Variants in SOS1 observed in about 807,000 individuals in gnomAD.
The protein encoded by SOS1 is SOS Ras/Rac guanine nucleotide exchange factor 1.
A neutral mutation model predicts 157.6 loss-of-function variants in SOS1; 25 were observed. The ratio of observed to expected loss-of-function variants is 0.16; its 90% CI spans 0.12 to 0.22. SOS1 has a LOEUF of 0.22. SOS1 is among the 10% of genes least tolerant of loss of function. SOS1 has a pLI of 1.00. For missense variants in SOS1, 1,237 were observed against 1,599.1 expected (o/e 0.77, Z 3.86); for synonymous variants, 528 against 534.0 (o/e 0.99, Z 0.16).
rs997795576 is a variant in SOS1 at position 39,086,819 on chromosome 2, C to CT, written c.88-19067dup. Among the ~76,000 whole-genome samples the CT allele has an allele frequency of 1.8e-3, 272 of 147,418 alleles. 1 individual carries two copies. The highest frequency in any genetic ancestry group is 2.5e-3 in the Non-Finnish European group (169 of 66,288). Reference sequence around the variant, plus strand: ...AAATAGTCACAGTTGCGTTGTTGTTCTTTTTTTTTTTGAGACGGAGTCTCA... The same window carrying CT: ...AAATAGTCACAGTTGCGTTGTTGTTCTTTTTTTTTTTTGAGACGGAGTCTCA... On this transcript the variant is annotated intron_variant, in intron 1 of 22. Transcript: ENST00000402219.
chr2:38,987,372 T>G (rs1007219360), intron 22 of SOS1, 101 bp downstream of exon 22: 10 of 718,574 alleles, frequency 1.4e-5, no homozygotes, highest in Non-Finnish European at 2.6e-5. Flanking sequence ...CTGTATACTC[T>G]GAAATGTTAA....
At chr2:39,099,017 T>C (rs886508902) in intron 1 of SOS1, among the ~76,000 whole-genome samples, 3 of 152,346 alleles carry the variant, frequency 2.0e-5, no homozygotes, top group East Asian at 3.9e-4. Context: ...AAAATGTTCA[T>C]CATCAGTTAT....
At chr2:39,119,937 A>C (rs977284647) in intron 1 of SOS1, among the ~76,000 whole-genome samples, 3 of 152,126 alleles carry the variant, frequency 2.0e-5, no homozygotes, top group Non-Finnish European at 4.4e-5. Context: ...TTCTCAAGCC[A>C]CTAAAACCAG....
chr2:39,057,201 T>G (rs1411156720), intron 3 of SOS1, among the ~76,000 whole-genome samples: 1 of 152,140 alleles, frequency 6.6e-6, no homozygotes, highest in Non-Finnish European at 1.5e-5. Flanking sequence ...TACCTGGAAG[T>G]AACTATAACA....
upstream of SOS1, among the ~76,000 whole-genome samples, chr2:39,123,690 T>C (rs1673975722): frequency 6.6e-6 from 1 of 152,136 alleles, no homozygotes; most frequent in African/African-American, 2.4e-5. Context: ...TCGTTCTTCA[T>C]TGGTTTTAAT....
chr2:39,110,742 G>A (rs1486550612), intron 1 of SOS1, among the ~76,000 whole-genome samples: 1 of 152,170 alleles, frequency 6.6e-6, no homozygotes, highest in African/African-American at 2.4e-5. Context: ...TATCGGCAAA[G>A]GGTTCTTAGA....
chr2:39,103,089 T>TA (rs1482052527), intron 1 of SOS1, among the ~76,000 whole-genome samples: 18 of 152,208 alleles, frequency 1.2e-4, no homozygotes, highest in Admixed American at 1.3e-4. Context: ...AAAGAGTACC[T>TA]AGAAAGAGAT....
At chr2:39,048,996 C>A (rs529725122) in intron 6 of SOS1, among the ~76,000 whole-genome samples, 1 of 152,264 alleles carries the variant, frequency 6.6e-6, no homozygotes, top group African/African-American at 2.4e-5. Flanking sequence ...CGGCTCACTG[C>A]AGTCTCCACC....
chr2:39,093,604 C>T (rs1672666234), intron 1 of SOS1, among the ~76,000 whole-genome samples: 2 of 152,106 alleles, frequency 1.3e-5, no homozygotes, highest in African/African-American at 4.8e-5. Context: ...GAGGGAATGA[C>T]AAGCACAGAA....
rs141220988 is a variant in SOS1, at chr2:39,045,068, T to C, written c.864+6076A>G. ...AGTTGTTATACTTTATTGTTTAGGGTATTGTAATGTACCCTGATGTAATGT... is the reference window on the plus strand; with the variant it reads ...AGTTGTTATACTTTATTGTTTAGGGCATTGTAATGTACCCTGATGTAATGT... On this transcript the variant is annotated intron_variant, in intron 6 of 22. Transcript: ENST00000402219. Among the ~76,000 whole-genome samples the C allele has an allele frequency of 1.2e-3, 180 of 152,302 alleles. 1 individual carries two copies. The highest frequency in any genetic ancestry group is 3.4e-3 in the Middle Eastern group (1 of 294).
intron 6 of SOS1, among the ~76,000 whole-genome samples, chr2:39,038,901 G>A (rs1670455117): frequency 6.6e-6 from 1 of 151,950 alleles, no homozygotes. Context: ...TCTACTGTGG[G>A]TAAAGTGCTA....
At chr2:38,987,620 G>A in intron 21 of SOS1, 29 bp from the exon 22 acceptor site, 1 of 1,070,414 alleles carries the variant, frequency 9.3e-7, no homozygotes, top group South Asian at 1.3e-5. Context: ...TTAAGAAAAA[G>A]TCCACAGGAA....
intron 1 of SOS1, among the ~76,000 whole-genome samples, chr2:39,080,038 G>A (rs888473768): frequency 2.0e-5 from 3 of 151,758 alleles, no homozygotes; most frequent in Middle Eastern, 3.2e-3. Flanking sequence ...GGATGGTTTC[G>A]GGATGATTCA....
chr2:39,095,805 A>G (rs931592435), intron 1 of SOS1, among the ~76,000 whole-genome samples: 9 of 152,210 alleles, frequency 5.9e-5, no homozygotes, highest in African/African-American at 2.2e-4. Flanking sequence ...TTTTAGCAAC[A>G]TTACAGAATG....
chr2:39,097,488 C>G (rs1672812365), intron 1 of SOS1, among the ~76,000 whole-genome samples: 1 of 152,140 alleles, frequency 6.6e-6, no homozygotes, highest in Non-Finnish European at 1.5e-5. Flanking sequence ...TTTTAACAAG[C>G]TGTCCAAGTG....
chr2:39,002,649 A>G (rs1027904327), intron 17 of SOS1, among the ~76,000 whole-genome samples: 10 of 152,226 alleles, frequency 6.6e-5, no homozygotes, highest in Non-Finnish European at 1.5e-4. Context: ...ATACCGTCAG[A>G]TATATCCAGA....
Position 39,054,655 on chromosome 2 carries a change from T to C in SOS1, c.679A>G (p.Arg227Gly). The C allele has an allele frequency of 1.3e-6, 2 of 1,593,170 alleles. No individual in the cohort carries two copies. The highest frequency in any genetic ancestry group is 1.7e-6 in the Non-Finnish European group (2 of 1,161,220). ...TTTGAATTGGAGACAAAGGGCTCTCTAAAAACTTTTATAATTAGATTTAGT... is the reference window on the plus strand; with the variant it reads ...TTTGAATTGGAGACAAAGGGCTCTCCAAAAACTTTTATAATTAGATTTAGT... Reference protein sequence around the residue: ...RELNLIIKVFREPFVSNSKLF... With the variant: ...RELNLIIKVFGEPFVSNSKLF... The change falls in exon 5 of 23, where the codon AGA (arginine) becomes GGA (glycine). Residue 227 changes from arginine to glycine, a missense_variant. Physicochemically the swap from Arg to Gly is moderately radical, Grantham distance 125 (BLOSUM62 -2). Coordinates refer to ENST00000402219, the MANE Select transcript of SOS1 (RefSeq NM_005633.4).
chr2:38,989,307 A>AT lies in SOS1; in HGVS notation c.3353dup (p.Asp1118GlufsTer28). On this transcript the variant is annotated frameshift_variant, in exon 21 of 23. Transcript: ENST00000402219. LOFTEE classifies it high-confidence loss of function. ...GCAGAGTAACTTGGATAAAGACGGT[A>AT]TCATTGCCTGTGAAAGGAAACAAGA... is the stretch of plus-strand genomic sequence containing the variant. 6.2e-7 allele frequency: 1 copy of AT among 1,605,008 alleles called. No homozygotes were observed. The highest frequency in any genetic ancestry group is 8.5e-7 in the Non-Finnish European group (1 of 1,172,008).
chr2:39,056,943 A>G, intron 3 of SOS1, 77 bp from the exon 4 acceptor site: 1 of 1,054,746 alleles, frequency 9.5e-7, no homozygotes, highest in Non-Finnish European at 1.5e-6. Flanking sequence ...TAAAAAACAT[A>G]TTTGCACCTT....
Sources: gnomAD v4.1 joint callset for allele counts (sites outside exome capture counted in the v4.1 genomes callset) on GRCh38, gnomAD v4.1.1 for gene constraint, MANE v1.5 for transcripts, NCBI Gene and HGNC (gene_info 2026-07-23, HGNC 2026-07-21) for gene names.